RNF6: variants seen among roughly 807,000 people sequenced by gnomAD.
RNF6 encodes the protein E3 ubiquitin-protein ligase RNF6.
Under a neutral mutation model 50.1 loss-of-function variants are expected in RNF6, and 21 were observed. That is an observed-to-expected ratio of 0.42 (90% CI 0.30 to 0.60). The LOEUF (loss-of-function observed/expected upper bound fraction) is 0.60, where lower values mean the gene tolerates loss of function less well. Among genes scored for constraint, RNF6 ranks in the 20% least tolerant of loss-of-function variants. The pLI is 0.20. For missense variants in RNF6, 698 were observed against 838.2 expected (o/e 0.83, Z 2.07); for synonymous variants, 255 against 291.8 (o/e 0.87, Z 1.29).
chr13:26,189,161 T>C (rs973856675), intron 5 of RNF6, among the ~76,000 whole-genome samples: 6 of 151,988 alleles, frequency 3.9e-5, no homozygotes, highest in African/African-American at 1.4e-4. Context: ...AAACTATGTC[T>C]CTACTAAAAT....
At chr13:26,185,830 C>A (rs187740994) in intron 5 of RNF6, among the ~76,000 whole-genome samples, 172 of 152,332 alleles carry the variant, frequency 1.1e-3, no homozygotes, top group African/African-American at 4.0e-3. Context: ...CTACGCCTAA[C>A]TACGAACCTT....
At chr13:26,201,697 C>A (rs1235016826) in intron 5 of RNF6, among the ~76,000 whole-genome samples, 5 of 152,286 alleles carry the variant, frequency 3.3e-5, no homozygotes, top group Admixed American at 3.3e-4. Flanking sequence ...TAAATGCATA[C>A]AACTGCATAT....
intron 5 of RNF6, among the ~76,000 whole-genome samples, chr13:26,147,145 C>T (rs1156876404): frequency 2.9e-4 from 44 of 152,220 alleles, no homozygotes; most frequent in Admixed American, 2.6e-3. Flanking sequence ...TATTACCCTA[C>T]ACTCTTAATA....
intron 5 of RNF6, among the ~76,000 whole-genome samples, chr13:26,136,162 G>A (rs1870636762): frequency 6.6e-6 from 1 of 152,206 alleles, no homozygotes; most frequent in East Asian, 1.9e-4. Context: ...ACCAGGAGAT[G>A]TTTGCAGTCT....
intron 5 of RNF6, among the ~76,000 whole-genome samples, chr13:26,144,511 G>C (rs1196083007): frequency 6.6e-6 from 1 of 151,948 alleles, no homozygotes; most frequent in East Asian, 1.9e-4. Context: ...TATAGTCCAT[G>C]AGTCAGTATA....
chr13:26,140,299 G>T (rs1465588332), intron 5 of RNF6, among the ~76,000 whole-genome samples: 6 of 152,134 alleles, frequency 3.9e-5, no homozygotes, highest in Admixed American at 3.9e-4. Flanking sequence ...GAATTGGATG[G>T]CCTCCAGAAT....
rs543893649 is a variant in RNF6 at position 26,173,302 on chromosome 13, G to A, written n.769-40851C>T. Among the ~76,000 whole-genome samples, 6 of 152,064 alleles carry A rather than the reference G, an allele frequency of 3.9e-5. No homozygotes were observed. In the South Asian group the frequency reaches 1.0e-3, roughly 26 times the overall value. On this transcript the variant is annotated intron_variant and non_coding_transcript_variant, in intron 5 of 5. Transcript: ENST00000468480. ...CCGTGCTTGTAACAGTGAAGAAGTG[G>A]GAAAACCTAAATATTCATCAACAGA...
At chr13:26,151,456 T>A (rs1871584801) in intron 5 of RNF6, among the ~76,000 whole-genome samples, 1 of 151,898 alleles carries the variant, frequency 6.6e-6, no homozygotes, top group African/African-American at 2.4e-5. Flanking sequence ...AGAGACAGGG[T>A]TTTTCCATGT....
chr13:26,149,653 A>G (rs1871449556), intron 5 of RNF6, among the ~76,000 whole-genome samples: 1 of 151,370 alleles, frequency 6.6e-6, no homozygotes, highest in South Asian at 2.1e-4. Flanking sequence ...CTTTGGCTAT[A>G]ATTGATTTTA....
chr13:26,138,891 A>G (rs1451108328), intron 5 of RNF6, among the ~76,000 whole-genome samples: 2 of 152,130 alleles, frequency 1.3e-5, no homozygotes, highest in Non-Finnish European at 2.9e-5. Flanking sequence ...TGCTTTTTAA[A>G]CCACCGTAAA....
intron 3 of RNF6, 134 bp downstream of exon 3, chr13:26,219,323 C>T (rs1032685762): frequency 1.3e-6 from 1 of 765,700 alleles, no homozygotes; most frequent in Non-Finnish European, 2.0e-6. Flanking sequence ...CTAAAAAGTT[C>T]TTAAACTCAC....
At chr13:26,140,756 T>C (rs1870896681) in intron 5 of RNF6, among the ~76,000 whole-genome samples, 1 of 152,172 alleles carries the variant, frequency 6.6e-6, no homozygotes, top group South Asian at 2.1e-4. Flanking sequence ...AAAAAGCTCC[T>C]AGACCTGATG....
At chr13:26,140,121 G>A (rs1290287215) in intron 5 of RNF6, among the ~76,000 whole-genome samples, 1 of 151,878 alleles carries the variant, frequency 6.6e-6, no homozygotes, top group African/African-American at 2.4e-5. Flanking sequence ...TTGGGGATGG[G>A]GATTAATATA....
intron 5 of RNF6, among the ~76,000 whole-genome samples, chr13:26,149,651 A>G (rs1021589962): frequency 6.6e-6 from 1 of 151,422 alleles, no homozygotes; most frequent in Non-Finnish European, 1.5e-5. Flanking sequence ...CTCTTTGGCT[A>G]TAATTGATTT....
chr13:26,209,748 AG>A, downstream of RNF6, among the ~76,000 whole-genome samples: 1 of 152,144 alleles, frequency 6.6e-6, no homozygotes, highest in Non-Finnish European at 1.5e-5. Context: ...AGGATTAAGT[AG>A]GAGCATTTTT....
rs558465012 is a variant in RNF6, at chr13:26,173,835, T to C, written n.769-41384A>G. Among the ~76,000 whole-genome samples, 347 of 151,162 alleles carry C rather than the reference T, an allele frequency of 2.3e-3. 1 individual carries two copies. Among genetic ancestry groups the C allele is most frequent in the African/African-American group, 8.2e-3 (337 of 41,178 alleles). ...ATGTGGTGGTGTATGCCTGTAATCC[T>C]AGCTACTCGGGAGGCTGAGGCAGGA... On this transcript the variant is annotated intron_variant and non_coding_transcript_variant, in intron 5 of 5. Transcript: ENST00000468480.
Position 26,188,948 on chromosome 13 carries a change from G to T in RNF6, n.768+26526C>A, listed in dbSNP as rs573582104. Among the ~76,000 whole-genome samples the T allele has an allele frequency of 2.3e-3, 346 of 152,124 alleles. 1 individual carries two copies. Among genetic ancestry groups the T allele is most frequent in the African/African-American group, 8.2e-3 (339 of 41,520 alleles). On this transcript the variant is annotated intron_variant and non_coding_transcript_variant, in intron 5 of 5. Coordinates refer to the RNF6 transcript ENST00000468480. Reference sequence around the variant, plus strand: ...CGGCTCAGAACAGATTTCTGAAGAGGTTGTATGCAAACTGATTATTGTAGA... The same window carrying T: ...CGGCTCAGAACAGATTTCTGAAGAGTTTGTATGCAAACTGATTATTGTAGA...
At chr13:26,173,908 G>A (rs890900607) in intron 5 of RNF6, among the ~76,000 whole-genome samples, 4 of 135,348 alleles carry the variant, frequency 3.0e-5, no homozygotes, top group Non-Finnish European at 4.5e-5. Flanking sequence ...CCAGGATGGC[G>A]CCACTGTACT....
intron 2 of RNF6, among the ~76,000 whole-genome samples, chr13:26,219,988 GTCC>G (rs1870310125): frequency 6.6e-6 from 1 of 152,182 alleles, no homozygotes; most frequent in Non-Finnish European, 1.5e-5. Flanking sequence ...TGATCCAGAA[GTCC>G]TCATTTATGT....
Sources: allele counts gnomAD v4.1 joint callset (sites outside exome capture counted in the v4.1 genomes callset), GRCh38; gene constraint gnomAD v4.1.1; transcripts MANE v1.5; gene names NCBI Gene and HGNC (gene_info 2026-07-23, HGNC 2026-07-21).